The following COL25A1 variants were observed in gnomAD, a reference collection of about 807,000 sequenced individuals.
The protein encoded by COL25A1 is collagen type XXV alpha 1 chain.
Under a neutral mutation model 128.4 loss-of-function variants are expected in COL25A1, and 103 were observed. The observed-to-expected ratio is 0.80, with a 90% CI of 0.68 to 0.94. The LOEUF (loss-of-function observed/expected upper bound fraction) is 0.94, where lower values mean the gene tolerates loss of function less well. Among genes scored for constraint, COL25A1 ranks in the 40% least tolerant of loss-of-function variants. The pLI is 0.00. For missense variants in COL25A1, 745 were observed against 840.0 expected (o/e 0.89, Z 1.40); for synonymous variants, 279 against 277.2 (o/e 1.01, Z -0.06).
chr4:109,044,359 A>G (rs72901072), intron 5 of COL25A1, among the ~76,000 whole-genome samples: 4,230 of 151,538 alleles, frequency 0.028, 195 homozygotes, highest in African/African-American at 0.094. Context: ...AGTTGCAAAT[A>G]TATGGTTGCT....
intron 3 of COL25A1, among the ~76,000 whole-genome samples, chr4:109,148,955 C>T (rs926188876): frequency 1.4e-4 from 22 of 152,204 alleles, no homozygotes; most frequent in African/African-American, 4.8e-4. Context: ...AATTTTCACA[C>T]ATCTTCCCTT....
intron 24 of COL25A1, among the ~76,000 whole-genome samples, chr4:108,853,437 TTAATC>T (rs1736061556): frequency 6.6e-6 from 1 of 151,970 alleles, no homozygotes; most frequent in Non-Finnish European, 1.5e-5. Context: ...CGACATAGAA[TTAATC>T]TAATTTCCTT....
At chr4:108,911,160 G>T (rs1049443227) in intron 13 of COL25A1, among the ~76,000 whole-genome samples, 2 of 152,072 alleles carry the variant, frequency 1.3e-5, no homozygotes, top group African/African-American at 4.8e-5. Context: ...GAAATTTTAA[G>T]GAAAAGCTGT....
intron 8 of COL25A1, among the ~76,000 whole-genome samples, chr4:108,950,751 T>C (rs1749325729): frequency 1.3e-5 from 2 of 152,174 alleles, no homozygotes; most frequent in Admixed American, 1.3e-4. Flanking sequence ...AACTAAAACA[T>C]GCATTCCTTC....
chr4:109,287,977 C>CA (rs1245480528), intron 3 of COL25A1, among the ~76,000 whole-genome samples: 1 of 152,084 alleles, frequency 6.6e-6, no homozygotes, highest in Admixed American at 6.6e-5. Context: ...AGCAACAACA[C>CA]ATGCATGAGT....
chr4:108,818,741 T>C (rs1731480718), intron 36 of COL25A1, among the ~76,000 whole-genome samples: 1 of 152,180 alleles, frequency 6.6e-6, no homozygotes, highest in African/African-American at 2.4e-5. Flanking sequence ...GGTCTTCTTC[T>C]TTGTGGTCTC....
chr4:108,961,069 A>C (rs983178213), intron 8 of COL25A1, among the ~76,000 whole-genome samples: 1 of 152,208 alleles, frequency 6.6e-6, no homozygotes, highest in Non-Finnish European at 1.5e-5. Flanking sequence ...AAAGCTAAGG[A>C]AGATATATCA....
chr4:109,069,435 A>C (rs1285981183), intron 3 of COL25A1, among the ~76,000 whole-genome samples: 1 of 152,100 alleles, frequency 6.6e-6, no homozygotes. Context: ...GCTGGTCTCA[A>C]ACTCGTGGCC....
chr4:109,281,664 A>G (rs1187530946), intron 3 of COL25A1, among the ~76,000 whole-genome samples: 1 of 152,132 alleles, frequency 6.6e-6, no homozygotes, highest in Non-Finnish European at 1.5e-5. Flanking sequence ...CTAATAATCT[A>G]CTCAAAACCA....
intron 3 of COL25A1, among the ~76,000 whole-genome samples, chr4:109,055,780 T>A (rs545570934): frequency 4.6e-5 from 7 of 152,344 alleles, no homozygotes; most frequent in African/African-American, 1.7e-4. Flanking sequence ...CTATGAGCTA[T>A]TTGATGCACA....
chr4:108,963,755 C>T (rs1242207520), intron 8 of COL25A1, among the ~76,000 whole-genome samples: 2 of 151,622 alleles, frequency 1.3e-5, no homozygotes, highest in African/African-American at 2.4e-5. Flanking sequence ...AAAAGCAGCA[C>T]TTGTAAAAAT....
intron 3 of COL25A1, among the ~76,000 whole-genome samples, chr4:109,102,254 T>C (rs1164252213): frequency 6.6e-6 from 1 of 152,138 alleles, no homozygotes; most frequent in African/African-American, 2.4e-5. Flanking sequence ...ATATATTTAA[T>C]TACTCTTGTG....
chr4:109,055,630 TAGAC>T lies in COL25A1; in HGVS notation c.368-5455_368-5452del, dbSNP rs555365864. ...CTTGTATTTTTCGAACATCGCTACT[TAGAC>T]AGATGTATTATTAATCTTTGTGACA... On this transcript the variant is annotated intron_variant, in intron 3 of 37. Transcript: ENST00000399132. 1.4e-4 allele frequency among the ~76,000 whole-genome samples: 22 copies of T among 152,320 alleles called. 1 individual carries two copies. The South Asian group carries it at 4.1e-3, about 29-fold the overall frequency.
At chr4:109,010,093 C>T (rs1366578184) in intron 6 of COL25A1, among the ~76,000 whole-genome samples, 1 of 152,138 alleles carries the variant, frequency 6.6e-6, no homozygotes, top group Non-Finnish European at 1.5e-5. Flanking sequence ...CATTACAGTC[C>T]TGTGGCACTG....
chr4:109,214,399 C>T (rs894141300), intron 3 of COL25A1, among the ~76,000 whole-genome samples: 1 of 151,996 alleles, frequency 6.6e-6, no homozygotes, highest in Non-Finnish European at 1.5e-5. Flanking sequence ...CTATGGGAAA[C>T]TGGGAGTAGT....
chr4:109,082,753 CT>C lies in COL25A1; in HGVS notation c.368-32575del, dbSNP rs1331379723. On this transcript the variant is annotated intron_variant, in intron 3 of 37. Transcript: ENST00000399132. ...CCTATTCTGTGGGTTGCCTTTTCACCTTTTTTTCTTTTTTAAAAAACTTTTA... is the reference window on the plus strand; with the variant it reads ...CCTATTCTGTGGGTTGCCTTTTCACCTTTTTTCTTTTTTAAAAAACTTTTA... Among the ~76,000 whole-genome samples the C allele has an allele frequency of 4.6e-5, 7 of 151,940 alleles. No individual in the cohort carries two copies. The East Asian group carries it at 1.3e-3, about 29-fold the overall frequency.
intron 30 of COL25A1, 53 bp downstream of exon 30, chr4:108,844,466 T>C (rs1020692889): frequency 1.9e-6 from 3 of 1,613,878 alleles, no homozygotes; most frequent in African/African-American, 2.7e-5. Context: ...ATGTTCTCTC[T>C]AGCAGCATGC....
intron 32 of COL25A1, among the ~76,000 whole-genome samples, chr4:108,828,178 T>C (rs1324300780): frequency 6.6e-6 from 1 of 152,226 alleles, no homozygotes; most frequent in Non-Finnish European, 1.5e-5. Context: ...TCTTGCTCTG[T>C]TGCCCGGGCT....
chr4:109,084,340 G>A (rs895211110), intron 3 of COL25A1, among the ~76,000 whole-genome samples: 1 of 152,032 alleles, frequency 6.6e-6, no homozygotes, highest in African/African-American at 2.4e-5. Context: ...CTTAATTAAG[G>A]CCGCAGTATT....
Sources: gnomAD v4.1 joint callset for allele counts (sites outside exome capture counted in the v4.1 genomes callset) on GRCh38, gnomAD v4.1.1 for gene constraint, MANE v1.5 for transcripts, NCBI Gene and HGNC (gene_info 2026-07-23, HGNC 2026-07-21) for gene names.